Variants in ADAMTS17 observed in about 807,000 individuals in gnomAD.
ADAMTS17 encodes the protein ADAM metallopeptidase with thrombospondin type 1 motif 17.
Under a neutral mutation model 141.5 loss-of-function variants are expected in ADAMTS17, and 113 were observed. The ratio of observed to expected loss-of-function variants is 0.80; its 90% CI spans 0.69 to 0.93. The LOEUF is 0.93. ADAMTS17 is among the 40% of genes least tolerant of loss of function. The probability of loss-of-function intolerance (pLI) is 0.00; values close to 1 mark genes in which losing one functional copy is unlikely to be tolerated. For missense variants in ADAMTS17, 1,659 were observed against 1,517.9 expected, an observed-to-expected ratio of 1.09 and a Z score of -1.54; for synonymous variants, 768 against 630.6, an observed-to-expected ratio of 1.22 and a Z score of -3.27.
chr15:100,031,597 G>A (rs1480941356), intron 18 of ADAMTS17, among the ~76,000 whole-genome samples: 2 of 152,312 alleles, frequency 1.3e-5, no homozygotes, highest in East Asian at 3.9e-4. Flanking sequence ...CATCTGTCCA[G>A]ACCAGACATC....
intron 6 of ADAMTS17, among the ~76,000 whole-genome samples, chr15:100,259,184 T>C (rs2043432294): frequency 6.6e-6 from 1 of 152,242 alleles, no homozygotes; most frequent in Admixed American, 6.5e-5. Flanking sequence ...ATGACGTTGT[T>C]TAGAGTTCCT....
At chr15:100,057,767 G>C (rs2032714680) in intron 15 of ADAMTS17, among the ~76,000 whole-genome samples, 1 of 152,154 alleles carries the variant, frequency 6.6e-6, no homozygotes, top group African/African-American at 2.4e-5. Flanking sequence ...GTTTCCCAGA[G>C]ACTGGATGTG....
intron 10 of ADAMTS17, among the ~76,000 whole-genome samples, chr15:100,145,807 CTGT>C (rs777307214): frequency 1.1e-3 from 165 of 152,310 alleles, no homozygotes; most frequent in Non-Finnish European, 1.1e-3. Context: ...AGCTAAAACT[CTGT>C]TGTTATTTAT....
chr15:100,114,160 T>TC (rs199794207), intron 13 of ADAMTS17, among the ~76,000 whole-genome samples: 5 of 22,694 alleles, frequency 2.2e-4, no homozygotes, highest in African/African-American at 8.5e-4. Context: ...TCTTTCTTCT[T>TC]TTTTTTTTTT....
At chr15:99,992,509 A>G (rs147715446) in intron 20 of ADAMTS17, among the ~76,000 whole-genome samples, 4 of 152,216 alleles carry the variant, frequency 2.6e-5, no homozygotes, top group Non-Finnish European at 5.9e-5. Context: ...ACAACAAAGC[A>G]TTTTCTTACC....
intron 3 of ADAMTS17, among the ~76,000 whole-genome samples, chr15:100,282,089 T>C (rs1040679610): frequency 1.6e-4 from 24 of 152,194 alleles, no homozygotes; most frequent in African/African-American, 5.1e-4. Context: ...AAACAGCTAC[T>C]GTTATCAAAG....
chr15:99,985,328 A>C (rs2060564080), intron 20 of ADAMTS17, among the ~76,000 whole-genome samples: 2 of 152,210 alleles, frequency 1.3e-5, no homozygotes, highest in Admixed American at 6.5e-5. Flanking sequence ...CTGCCATGGC[A>C]CAGTTTCATG....
chr15:100,055,916 C>CTA (rs1416871852), intron 15 of ADAMTS17, among the ~76,000 whole-genome samples: 5 of 152,340 alleles, frequency 3.3e-5, no homozygotes, highest in African/African-American at 1.2e-4. Context: ...AATCACAAAG[C>CTA]TATTCAGTTG....
intron 3 of ADAMTS17, among the ~76,000 whole-genome samples, chr15:100,317,586 G>T (rs551299264): frequency 2.0e-5 from 3 of 152,288 alleles, no homozygotes; most frequent in East Asian, 3.9e-4. Context: ...CTGTGCTCTC[G>T]CAGGGCACGC....
chr15:100,106,148 C>T (rs529073152), intron 14 of ADAMTS17, among the ~76,000 whole-genome samples: 29 of 152,292 alleles, frequency 1.9e-4, no homozygotes, highest in African/African-American at 6.3e-4. Flanking sequence ...AGGCCTCCAC[C>T]ACCATGCCTG....
At chr15:100,220,495 T>C (rs958823159) in intron 7 of ADAMTS17, among the ~76,000 whole-genome samples, 3 of 152,240 alleles carry the variant, frequency 2.0e-5, no homozygotes, top group Admixed American at 6.5e-5. Context: ...CCATCTGCTC[T>C]ACCTCGCTAT....
chr15:100,007,370 T>C (rs1340601173), intron 18 of ADAMTS17, among the ~76,000 whole-genome samples: 1 of 151,614 alleles, frequency 6.6e-6, no homozygotes, highest in Non-Finnish European at 1.5e-5. Context: ...GATGATGGCT[T>C]TCCCCAAGGC....
intron 8 of ADAMTS17, among the ~76,000 whole-genome samples, chr15:100,162,363 ATAGTTATATATATGT>A: frequency 6.8e-6 from 1 of 148,018 alleles, no homozygotes; most frequent in Admixed American, 6.8e-5. Context: ...ATATAACTAT[ATAGTTATATATATGT>A]TATATATATA....
At chr15:100,242,034 G>C (rs566312464) in intron 7 of ADAMTS17, among the ~76,000 whole-genome samples, 1 of 152,276 alleles carries the variant, frequency 6.6e-6, no homozygotes, top group South Asian at 2.1e-4. Flanking sequence ...GAGCCAACCT[G>C]AGATTTCACA....
chr15:99,971,467 T>C lies in ADAMTS17; in HGVS notation c.*2935A>G, dbSNP rs1567618556. The C allele has an allele frequency of 6.6e-6, 1 of 152,232 alleles. No homozygotes were observed. The highest frequency in any genetic ancestry group is 1.5e-5 in the Non-Finnish European group (1 of 68,042). 9.4% of individuals were successfully genotyped at this position (152,232 alleles called of 1,614,324 possible). A position where few individuals can be genotyped will look rare whatever the true frequency, so the allele number is the denominator to read the frequency against. On this transcript the variant is annotated 3_prime_UTR_variant, in exon 22 of 22. Coordinates refer to ENST00000268070, the MANE Select transcript of ADAMTS17 (RefSeq NM_139057.4). The stretch of plus-strand genomic sequence containing the variant: ...TGGAAAAACATTTTATTACACATAT[T>C]CAACTTGCTTCCAATGAAATGATTA...
Position 100,002,284 on chromosome 15 carries a change from A to T in ADAMTS17, c.2592-4695T>A, listed in dbSNP as rs112536031. Among the ~76,000 whole-genome samples the T allele has an allele frequency of 7.0e-3, 1,069 of 152,062 alleles. 28 individuals are homozygous for T. Among genetic ancestry groups the T allele is most frequent in the African/African-American group, 0.024 (999 of 41,388 alleles). On this transcript the variant is annotated intron_variant, in intron 18 of 21. Coordinates refer to ENST00000268070, the MANE Select transcript of ADAMTS17 (RefSeq NM_139057.4). Reference sequence around the variant, plus strand: ...GCTATTGTGCTGACCCCAGCTGTGAAAACGGCTTTGAGTCTGCTCCCGCCT... The same window carrying T: ...GCTATTGTGCTGACCCCAGCTGTGATAACGGCTTTGAGTCTGCTCCCGCCT...
At position 100,071,479 on chromosome 15, in the gene ADAMTS17, T is replaced by G. The variant is rs981568801; in HGVS notation, c.2138-17425A>C. 3.3e-5 allele frequency among the ~76,000 whole-genome samples: 5 copies of G among 150,158 alleles called. 1 individual carries two copies. The highest frequency in any genetic ancestry group is 4.9e-5 in the African/African-American group (2 of 40,560). On this transcript the variant is annotated intron_variant, in intron 15 of 21. Coordinates refer to ENST00000268070, the MANE Select transcript of ADAMTS17 (RefSeq NM_139057.4). ...GACCAATATCCCTGATGAACATTGATGCAAAAATCCTCAATAAAATACTGG... is the reference window on the plus strand; with the variant it reads ...GACCAATATCCCTGATGAACATTGAGGCAAAAATCCTCAATAAAATACTGG...
intron 18 of ADAMTS17, among the ~76,000 whole-genome samples, chr15:100,042,253 G>A (rs2031321692): frequency 6.6e-6 from 1 of 152,172 alleles, no homozygotes; most frequent in African/African-American, 2.4e-5. Context: ...AGGTTCTTAT[G>A]AAAGACTCAT....
intron 11 of ADAMTS17, among the ~76,000 whole-genome samples, chr15:100,132,719 C>T (rs186257583): frequency 4.4e-4 from 67 of 152,334 alleles, no homozygotes; most frequent in South Asian, 3.9e-3. Flanking sequence ...CCTTTTTCAA[C>T]TCTTTCAATT....
Sources: gnomAD v4.1 joint callset for allele counts (sites outside exome capture counted in the v4.1 genomes callset) on GRCh38, gnomAD v4.1.1 for gene constraint, MANE v1.5 for transcripts, NCBI Gene and HGNC (gene_info 2026-07-23, HGNC 2026-07-21) for gene names.